The following MBNL2 variants were observed in gnomAD, a reference collection of about 807,000 sequenced individuals.
The protein encoded by MBNL2 is muscleblind like splicing regulator 2, also known as muscleblind-like protein 2.
MBNL2 carries 17 observed loss-of-function variants against 41.9 expected under a neutral mutation model. The observed-to-expected ratio is 0.41, with a 90% CI of 0.28 to 0.61. The LOEUF (loss-of-function observed/expected upper bound fraction) is 0.61. Among genes scored for constraint, MBNL2 ranks in the 20% least tolerant of loss-of-function variants. The probability of loss-of-function intolerance (pLI) is 0.35; values close to 1 mark genes in which losing one functional copy is unlikely to be tolerated. For synonymous variants in MBNL2, 195 were observed against 182.9 expected, an observed-to-expected ratio of 1.07 and a Z score of -0.53; for missense variants, 336 against 505.6, an observed-to-expected ratio of 0.66 and a Z score of 3.22.
At chr13:97,146,236 C>T in the MBNL2 span, among the ~76,000 whole-genome samples, 5 of 151,342 alleles carry the variant, frequency 3.3e-5, no homozygotes, top group Admixed American at 6.6e-5. Context: ...CTCCTTACCT[C>T]GTGATCCTCC....
At chr13:97,259,588 C>A (rs1349910372) in intron 1 of MBNL2, among the ~76,000 whole-genome samples, 2 of 152,176 alleles carry the variant, frequency 1.3e-5, no homozygotes, top group Non-Finnish European at 2.9e-5. Flanking sequence ...AAAAGGCCTG[C>A]TGACAAATCT....
intron 1 of MBNL2, among the ~76,000 whole-genome samples, chr13:97,258,804 A>T (rs2152867657): frequency 6.6e-6 from 1 of 152,292 alleles, no homozygotes; most frequent in African/African-American, 2.4e-5. Context: ...CCGGCATAGG[A>T]TCAATAGCCA....
At chr13:97,207,866 AG>A in the MBNL2 span, among the ~76,000 whole-genome samples, 1 of 152,208 alleles carries the variant, frequency 6.6e-6, no homozygotes, top group African/African-American at 2.4e-5. Context: ...GATACAGTGG[AG>A]GTACAGGCAG....
the MBNL2 span, among the ~76,000 whole-genome samples, chr13:97,178,693 C>G: frequency 6.6e-6 from 1 of 152,126 alleles, no homozygotes. Context: ...CCCAGGAGTT[C>G]AAGACCAGTC....
chr13:97,266,101 G>A, intron 1 of MBNL2, among the ~76,000 whole-genome samples: 1 of 152,110 alleles, frequency 6.6e-6, no homozygotes, highest in East Asian at 1.9e-4. Flanking sequence ...AATTAGCCAG[G>A]CTTGGTGGCA....
chr13:97,264,408 G>C (rs1329806961), intron 1 of MBNL2, among the ~76,000 whole-genome samples: 1 of 152,170 alleles, frequency 6.6e-6, no homozygotes, highest in Non-Finnish European at 1.5e-5. Context: ...TATCAAACCT[G>C]TGTCAGTCTA....
chr13:97,369,625 A>T (rs2153130330), intron 8 of MBNL2, among the ~76,000 whole-genome samples: 1 of 152,310 alleles, frequency 6.6e-6, no homozygotes, highest in Non-Finnish European at 1.5e-5. Context: ...CAAGTCATTG[A>T]TTGAAGAAAG....
At chr13:97,328,018 C>T (rs1027967974) in intron 2 of MBNL2, among the ~76,000 whole-genome samples, 2 of 152,058 alleles carry the variant, frequency 1.3e-5, no homozygotes, top group African/African-American at 4.8e-5. Flanking sequence ...ACTCTTAATC[C>T]TTATTGAAAG....
chr13:97,357,922 G>A (rs1057378449), intron 7 of MBNL2, among the ~76,000 whole-genome samples: 12 of 152,042 alleles, frequency 7.9e-5, no homozygotes, highest in Non-Finnish European at 1.0e-4. Flanking sequence ...CTGTAAAATT[G>A]TTTATGTAAA....
chr13:97,168,551 C>T, the MBNL2 span, among the ~76,000 whole-genome samples: 260 of 152,148 alleles, frequency 1.7e-3, no homozygotes, highest in Middle Eastern at 3.4e-3. Flanking sequence ...GATTTGTTTT[C>T]CTGTGTCCCC....
intron 8 of MBNL2, among the ~76,000 whole-genome samples, chr13:97,374,345 C>T: frequency 6.7e-6 from 1 of 150,332 alleles, no homozygotes; most frequent in Admixed American, 6.6e-5. Flanking sequence ...GACGGGGTTT[C>T]ACCGTGTTAG....
chr13:97,165,268 GAA>G, the MBNL2 span, among the ~76,000 whole-genome samples: 1 of 151,802 alleles, frequency 6.6e-6, no homozygotes, highest in South Asian at 2.1e-4. Context: ...AATATAGCCT[GAA>G]GGAAATGAGG....
the MBNL2 span, among the ~76,000 whole-genome samples, chr13:97,198,861 G>T: frequency 5.3e-5 from 8 of 151,960 alleles, no homozygotes; most frequent in African/African-American, 1.9e-4. Flanking sequence ...ACTGTCTCTT[G>T]CCTACCACCA....
the MBNL2 span, among the ~76,000 whole-genome samples, chr13:97,181,691 A>G: frequency 6.6e-6 from 1 of 152,224 alleles, no homozygotes; most frequent in Admixed American, 6.5e-5. Flanking sequence ...TATATGATAT[A>G]TCAACCTCAG....
intron 1 of MBNL2, among the ~76,000 whole-genome samples, chr13:97,233,101 G>C (rs1393693829): frequency 9.1e-6 from 1 of 110,424 alleles, no homozygotes; most frequent in Non-Finnish European, 1.8e-5. Flanking sequence ...CGTTTTCTTT[G>C]ATGCTCTCGC....
intron 1 of MBNL2, among the ~76,000 whole-genome samples, chr13:97,256,202 T>C (rs2047489375): frequency 6.6e-6 from 1 of 152,174 alleles, no homozygotes; most frequent in African/African-American, 2.4e-5. Context: ...CTTTTGAAGA[T>C]AAATTTTGAC....
At chr13:97,245,818 C>A (rs974421646) in intron 1 of MBNL2, among the ~76,000 whole-genome samples, 1 of 152,196 alleles carries the variant, frequency 6.6e-6, no homozygotes, top group Non-Finnish European at 1.5e-5. Context: ...TACTTAGTTC[C>A]TTCCACTGAA....
the MBNL2 span, among the ~76,000 whole-genome samples, chr13:97,158,029 C>T: frequency 6.7e-6 from 1 of 149,936 alleles, no homozygotes; most frequent in Non-Finnish European, 1.5e-5. Flanking sequence ...TGGTCCTGGA[C>T]TCTTTTTGGT....
chr13:97,291,303 G>A (rs932477784), intron 2 of MBNL2, among the ~76,000 whole-genome samples: 1 of 152,018 alleles, frequency 6.6e-6, no homozygotes, highest in African/African-American at 2.4e-5. Context: ...GTGCAGTGGT[G>A]CAGTCTTGGC....
Sources: allele counts gnomAD v4.1 joint callset (sites outside exome capture counted in the v4.1 genomes callset), GRCh38; gene constraint gnomAD v4.1.1; transcripts MANE v1.5; gene names NCBI Gene and HGNC (gene_info 2026-07-23, HGNC 2026-07-21).